The following NDUFAF2 variants were observed in gnomAD, a reference collection of about 807,000 sequenced individuals.
The protein encoded by NDUFAF2 is NADH dehydrogenase [ubiquinone] 1 alpha subcomplex assembly factor 2.
NDUFAF2 carries 13 observed loss-of-function variants against 22.8 expected under a neutral mutation model. The ratio of observed to expected loss-of-function variants is 0.57; its 90% CI spans 0.37 to 0.91. NDUFAF2 has a LOEUF of 0.91. Ranked by LOEUF, NDUFAF2 falls within the 40% of genes least tolerant of loss-of-function variation. The pLI is 0.01. For missense variants in NDUFAF2, 162 were observed against 195.2 expected (o/e 0.83, Z 1.01); for synonymous variants, 53 against 64.2 (o/e 0.83, Z 0.84).
At chr5:60,957,498 ACTTT>A (rs1750632029) in intron 1 of NDUFAF2, among the ~76,000 whole-genome samples, 2 of 67,112 alleles carry the variant, frequency 3.0e-5, no homozygotes, top group Non-Finnish European at 6.0e-5. Context: ...TGATCTGTTT[ACTTT>A]TTTTTTTTTT....
chr5:61,068,603 A>G (rs970235030), intron 1 of NDUFAF2, among the ~76,000 whole-genome samples: 4 of 152,094 alleles, frequency 2.6e-5, no homozygotes, highest in Admixed American at 2.6e-4. Flanking sequence ...TCACGCGCTT[A>G]CAGGTCATTT....
intron 1 of NDUFAF2, among the ~76,000 whole-genome samples, chr5:61,058,601 T>C (rs1752127753): frequency 6.6e-6 from 1 of 152,014 alleles, no homozygotes. Context: ...TCCCCGCCTT[T>C]TTTCCTTCCT....
intron 1 of NDUFAF2, among the ~76,000 whole-genome samples, chr5:61,066,195 G>C (rs1752226170): frequency 6.6e-6 from 1 of 151,900 alleles, no homozygotes; most frequent in African/African-American, 2.4e-5. Flanking sequence ...ACATTGATGA[G>C]AGAAATTAAA....
intron 1 of NDUFAF2, among the ~76,000 whole-genome samples, chr5:61,058,702 T>C (rs906968996): frequency 2.0e-5 from 3 of 152,042 alleles, no homozygotes; most frequent in African/African-American, 2.4e-5. Context: ...TGACATTTTG[T>C]TAAATGTTCA....
At chr5:61,114,245 G>A (rs1212445450) in intron 3 of NDUFAF2, among the ~76,000 whole-genome samples, 1 of 151,922 alleles carries the variant, frequency 6.6e-6, no homozygotes, top group Non-Finnish European at 1.5e-5. Context: ...TCCTCTGACT[G>A]TATATTTTCA....
intron 1 of NDUFAF2, among the ~76,000 whole-genome samples, chr5:61,032,341 A>G (rs935112435): frequency 6.6e-6 from 1 of 152,132 alleles, no homozygotes; most frequent in Non-Finnish European, 1.5e-5. Flanking sequence ...GTTTTCTTCT[A>G]GGGTTTTTAT....
chr5:61,021,274 G>T (rs1049544482), intron 1 of NDUFAF2, among the ~76,000 whole-genome samples: 7 of 151,996 alleles, frequency 4.6e-5, no homozygotes, highest in Non-Finnish European at 7.4e-5. Flanking sequence ...AGGATAATCT[G>T]TTTTTTTCCC....
chr5:61,011,448 G>A (rs1751441523), intron 1 of NDUFAF2, among the ~76,000 whole-genome samples: 1 of 152,078 alleles, frequency 6.6e-6, no homozygotes, highest in Admixed American at 6.6e-5. Flanking sequence ...AACATTTAGG[G>A]GAAGAGGGAA....
intron 1 of NDUFAF2, among the ~76,000 whole-genome samples, chr5:60,946,322 A>G (rs780135206): frequency 2.8e-4 from 42 of 152,212 alleles, no homozygotes; most frequent in Non-Finnish European, 4.9e-4. Flanking sequence ...TAGAGATAAT[A>G]TAAGATCAGC....
At chr5:61,138,421 G>A (rs764980598) in intron 3 of NDUFAF2, among the ~76,000 whole-genome samples, 11 of 152,306 alleles carry the variant, frequency 7.2e-5, no homozygotes, top group East Asian at 5.8e-4. Flanking sequence ...ATACAGTTGC[G>A]TAAGGGAAGG....
intron 1 of NDUFAF2, among the ~76,000 whole-genome samples, chr5:60,985,899 C>G (rs1751067965): frequency 6.6e-6 from 1 of 152,052 alleles, no homozygotes; most frequent in Non-Finnish European, 1.5e-5. Context: ...GGGACACAGC[C>G]AAACAGTATC....
In NDUFAF2 at chr5:61,106,433, A is replaced by G. The variant is rs528382873; in HGVS notation, c.258+7401A>G. On this transcript the variant is annotated intron_variant, in intron 3 of 3. Coordinates refer to ENST00000296597, the MANE Select transcript of NDUFAF2 (RefSeq NM_174889.5). ...TTTTGTGGGTACTTAGTAGGTGTAT[A>G]TACTTAGAAGGTTCTTGAGATATTT... Among the ~76,000 whole-genome samples the G allele has an allele frequency of 3.8e-4, 57 of 151,470 alleles. 4 individuals are homozygous for G. The highest frequency in any genetic ancestry group is 1.3e-3 in the African/African-American group (53 of 40,822).
chr5:60,993,769 T>C (rs1447683241), intron 1 of NDUFAF2, among the ~76,000 whole-genome samples: 1 of 152,196 alleles, frequency 6.6e-6, no homozygotes, highest in African/African-American at 2.4e-5. Flanking sequence ...AGTGGGTAGT[T>C]CCTCTTTGCA....
chr5:61,058,469 C>A (rs1752126320), intron 1 of NDUFAF2, among the ~76,000 whole-genome samples: 1 of 151,896 alleles, frequency 6.6e-6, no homozygotes, highest in Non-Finnish European at 1.5e-5. Flanking sequence ...GCTTGAGTCA[C>A]TATAAAATAA....
chr5:61,087,084 G>A (rs1401435561), intron 2 of NDUFAF2, among the ~76,000 whole-genome samples: 1 of 152,130 alleles, frequency 6.6e-6, no homozygotes, highest in Admixed American at 6.6e-5. Context: ...TGGGACCTTT[G>A]AGAGGTAATT....
chr5:61,000,231 CT>C (rs1381887211), intron 1 of NDUFAF2, among the ~76,000 whole-genome samples: 4 of 152,018 alleles, frequency 2.6e-5, no homozygotes, highest in Non-Finnish European at 5.9e-5. Context: ...ATTTGGTGCT[CT>C]TTTTTGATAG....
chr5:61,032,940 AT>A (rs1435445946), intron 1 of NDUFAF2, among the ~76,000 whole-genome samples: 1 of 152,106 alleles, frequency 6.6e-6, no homozygotes, highest in Non-Finnish European at 1.5e-5. Flanking sequence ...GTGTAAAAGC[AT>A]TCCTCTTTCT....
chr5:61,027,146 A>G (rs991131541), intron 1 of NDUFAF2, among the ~76,000 whole-genome samples: 3 of 151,896 alleles, frequency 2.0e-5, no homozygotes, highest in Non-Finnish European at 2.9e-5. Context: ...ATTTTTTCAC[A>G]TACTCAATTA....
At chr5:61,009,934 A>G (rs555988165) in intron 1 of NDUFAF2, among the ~76,000 whole-genome samples, 14 of 152,166 alleles carry the variant, frequency 9.2e-5, no homozygotes, top group Middle Eastern at 3.4e-3. Flanking sequence ...TGTCTTAATA[A>G]ATGATGCCAC....
Sources: allele counts gnomAD v4.1 joint callset (sites outside exome capture counted in the v4.1 genomes callset), GRCh38; gene constraint gnomAD v4.1.1; transcripts MANE v1.5; gene names NCBI Gene and HGNC (gene_info 2026-07-23, HGNC 2026-07-21).